The following GMDS variants were observed in gnomAD, a reference collection of about 807,000 sequenced individuals.
GMDS encodes GDP-mannose 4,6-dehydratase.
Under a neutral mutation model 49.9 loss-of-function variants are expected in GMDS, and 20 were observed. That is an observed-to-expected ratio of 0.40 (90% confidence interval 0.28 to 0.58). The LOEUF is 0.58. Among genes scored for constraint, GMDS ranks in the 20% least tolerant of loss-of-function variants. The pLI, the probability that GMDS is intolerant of heterozygous loss-of-function variation, is 0.42. For missense variants in GMDS, 362 were observed against 481.4 expected (o/e 0.75, Z 2.32); for synonymous variants, 177 against 178.6 (o/e 0.99, Z 0.07).
intron 7 of GMDS, among the ~76,000 whole-genome samples, chr6:1,912,095 G>C (rs1235601738): frequency 6.6e-6 from 1 of 152,190 alleles, no homozygotes; most frequent in East Asian, 1.9e-4. Context: ...GCTGGGCATG[G>C]TGGCTCACTT....
chr6:2,195,719 T>C (rs1016335297), intron 1 of GMDS, among the ~76,000 whole-genome samples: 1 of 151,746 alleles, frequency 6.6e-6, no homozygotes, highest in Admixed American at 6.6e-5. Context: ...TGGCAGCTCA[T>C]GCCTATAACC....
intron 4 of GMDS, among the ~76,000 whole-genome samples, chr6:2,013,883 A>T (rs1767718779): frequency 6.7e-6 from 1 of 148,664 alleles, no homozygotes; most frequent in South Asian, 2.1e-4. Context: ...ATAACAAATC[A>T]AAAGTCAAGG....
intron 6 of GMDS, chr6:1,930,786 G>A (rs571092666): frequency 3.6e-4 from 55 of 152,318 alleles, no homozygotes; most frequent in African/African-American, 1.3e-3. Context: ...AAAATAAGTG[G>A]TGATGGCTCT....
chr6:1,703,771 C>T (rs1269588570), intron 9 of GMDS, among the ~76,000 whole-genome samples: 2 of 152,212 alleles, frequency 1.3e-5, no homozygotes, highest in African/African-American at 2.4e-5. Context: ...AGGCTTGGTT[C>T]GCACTCAGCT....
intron 1 of GMDS, among the ~76,000 whole-genome samples, chr6:2,141,401 G>A (rs1357502472): frequency 6.6e-6 from 1 of 152,164 alleles, no homozygotes; most frequent in Non-Finnish European, 1.5e-5. Context: ...ATGTAGAGCT[G>A]GAATAAAAAC....
intron 4 of GMDS, among the ~76,000 whole-genome samples, chr6:1,991,021 A>G (rs1012944277): frequency 6.6e-6 from 1 of 152,242 alleles, no homozygotes; most frequent in East Asian, 1.9e-4. Context: ...CATGTCACAT[A>G]TTTTTAATTA....
In GMDS at chr6:1,792,134, A is replaced by G. The variant is rs140311259; in HGVS notation, c.772-49548T>C. Among the ~76,000 whole-genome samples, 639 of 152,264 alleles carry G rather than the reference A, an allele frequency of 4.2e-3. 4 individuals carry two copies. Among genetic ancestry groups the G allele is most frequent in the Non-Finnish European group, 6.7e-3 (454 of 68,008 alleles). On this transcript the variant is annotated intron_variant, in intron 7 of 10. Transcript: ENST00000380815. ...GGTTAAGTCTATATTCATAGTAGCA[A>G]TTATTAGTTTCTATATAAATATTAT...
intron 8 of GMDS, among the ~76,000 whole-genome samples, chr6:1,739,150 A>G: frequency 6.6e-6 from 1 of 152,206 alleles, no homozygotes. Flanking sequence ...GTTTTTTTTG[A>G]CAGCATATGA....
Position 2,245,495 on chromosome 6 carries a change from C to T in GMDS, c.-73G>A, listed in dbSNP as rs1242674120. ...GGCAGGCGCGGTGCCGGCAGGAACG[C>T]GGGGGTGTGCAGCACGAAGCGCCTC... On this transcript the variant is annotated 5_prime_UTR_variant, in exon 1 of 11. Transcript: ENST00000380815. The T allele has an allele frequency of 1.2e-6, 1 of 812,054 alleles. No individual in the cohort carries two copies. 50.3% of individuals were successfully genotyped at this position (812,054 alleles called of 1,614,324 possible). A position where few individuals can be genotyped will look rare whatever the true frequency, so the allele number is the denominator to read the frequency against.
At chr6:1,742,763 G>A (rs745497605) in intron 7 of GMDS, among the ~76,000 whole-genome samples, 177 bp from the exon 8 acceptor site, 8 of 152,214 alleles carry the variant, frequency 5.3e-5, no homozygotes, top group Non-Finnish European at 1.2e-4. Flanking sequence ...CGAATAACAT[G>A]AGGAACTTCT....
At chr6:1,885,269 A>G (rs529760797) in intron 7 of GMDS, among the ~76,000 whole-genome samples, 1 of 152,336 alleles carries the variant, frequency 6.6e-6, no homozygotes, top group African/African-American at 2.4e-5. Context: ...TCCATGTTAC[A>G]GAGATAAATA....
intron 2 of GMDS, among the ~76,000 whole-genome samples, chr6:2,118,767 C>T (rs1256857545): frequency 6.6e-6 from 1 of 152,130 alleles, no homozygotes; most frequent in Non-Finnish European, 1.5e-5. Flanking sequence ...AAAGGAACTT[C>T]GCAAACTTGG....
At chr6:1,776,856 G>A (rs1768857328) in intron 7 of GMDS, among the ~76,000 whole-genome samples, 2 of 152,154 alleles carry the variant, frequency 1.3e-5, no homozygotes, top group Admixed American at 1.3e-4. Context: ...AACAGGAAAT[G>A]CGCAGATATA....
chr6:2,211,390 CTATT>C (rs1292775047), intron 1 of GMDS, among the ~76,000 whole-genome samples: 1 of 152,166 alleles, frequency 6.6e-6, no homozygotes, highest in African/African-American at 2.4e-5. Flanking sequence ...TCTCAAGTAT[CTATT>C]TGTTTTCCAA....
chr6:1,916,078 A>G (rs1761374124), intron 7 of GMDS, among the ~76,000 whole-genome samples: 1 of 152,242 alleles, frequency 6.6e-6, no homozygotes, highest in Non-Finnish European at 1.5e-5. Flanking sequence ...TGGCATTCTT[A>G]CTGGTGTAAA....
chr6:2,069,603 C>T (rs1330862009), intron 4 of GMDS, among the ~76,000 whole-genome samples: 9 of 152,022 alleles, frequency 5.9e-5, no homozygotes, highest in East Asian at 1.9e-4. Context: ...AAAAAGTGGG[C>T]GAAGGACATG....
intron 1 of GMDS, among the ~76,000 whole-genome samples, chr6:2,235,860 G>A (rs997785180): frequency 6.6e-6 from 1 of 151,240 alleles, no homozygotes; most frequent in Non-Finnish European, 1.5e-5. Context: ...AAACTGGTCT[G>A]TGTTGCCAAT....
intron 4 of GMDS, among the ~76,000 whole-genome samples, chr6:2,018,461 G>A (rs539351662): frequency 6.6e-6 from 1 of 152,240 alleles, no homozygotes; most frequent in African/African-American, 2.4e-5. Flanking sequence ...ACTCTCAAAA[G>A]AAACCTTACA....
At chr6:2,101,981 C>T (rs563330878) in intron 4 of GMDS, among the ~76,000 whole-genome samples, 1 of 152,166 alleles carries the variant, frequency 6.6e-6, no homozygotes, top group East Asian at 1.9e-4. Context: ...TATTAATCAA[C>T]AGGAATGCTA....
Sources: allele counts gnomAD v4.1 joint callset (sites outside exome capture counted in the v4.1 genomes callset), GRCh38; gene constraint gnomAD v4.1.1; transcripts MANE v1.5; gene names NCBI Gene and HGNC (gene_info 2026-07-23, HGNC 2026-07-21).